The following DNAAF9 variants were observed in gnomAD, a reference collection of about 807,000 sequenced individuals.
The protein encoded by DNAAF9 is dynein axonemal assembly factor 9, also known as shulin.
In DNAAF9, 90 loss-of-function variants were observed where a neutral mutation model predicts 167.0. The ratio of observed to expected loss-of-function variants is 0.54; its 90% CI spans 0.45 to 0.64. The LOEUF (loss-of-function observed/expected upper bound fraction) is 0.64, where lower values mean the gene tolerates loss of function less well. Among genes scored for constraint, DNAAF9 ranks in the 30% least tolerant of loss-of-function variants. DNAAF9 has a pLI of 0.00. For missense variants in DNAAF9, 1,315 were observed against 1,442.2 expected, an observed-to-expected ratio of 0.91 and a Z score of 1.43; for synonymous variants, 491 against 508.8, an observed-to-expected ratio of 0.96 and a Z score of 0.47.
At chr20:3,397,801 A>C (rs2083931506) in intron 1 of DNAAF9, among the ~76,000 whole-genome samples, 1 of 152,136 alleles carries the variant, frequency 6.6e-6, no homozygotes, top group Admixed American at 6.6e-5. Context: ...TATTGGACAA[A>C]GCCTACATGT....
chr20:3,384,022 C>T (rs759159874), intron 1 of DNAAF9, among the ~76,000 whole-genome samples: 10 of 152,064 alleles, frequency 6.6e-5, no homozygotes, highest in Non-Finnish European at 1.5e-4. Context: ...GTCTTGAACT[C>T]GACCTCAAGT....
chr20:3,326,334 G>A, intron 12 of DNAAF9, 50 bp from the exon 13 acceptor site: 1 of 1,265,826 alleles, frequency 7.9e-7, no homozygotes, highest in Non-Finnish European at 1.1e-6. Flanking sequence ...TGAGGTTTTT[G>A]TCAAAAGATG....
chr20:3,339,856 C>A lies in DNAAF9; in HGVS notation c.981+648G>T, dbSNP rs150013053. ...AGTGAGCCAAGGCTGTGCCACTGCACTCTAGCCTGGGTGACAGAGTGAGAC... is the reference window on the plus strand; with the variant it reads ...AGTGAGCCAAGGCTGTGCCACTGCAATCTAGCCTGGGTGACAGAGTGAGAC... On this transcript the variant is annotated intron_variant, in intron 10 of 36. Coordinates refer to ENST00000252032, the MANE Select transcript of DNAAF9 (RefSeq NM_001009984.3). Among the ~76,000 whole-genome samples, 622 of 152,314 alleles carry A rather than the reference C, an allele frequency of 4.1e-3. 8 individuals carry two copies. Among genetic ancestry groups the A allele is most frequent in the African/African-American group, 0.014 (594 of 41,570 alleles).
chr20:3,294,518 C>T lies in DNAAF9; in HGVS notation c.2120+10G>A. 6.4e-7 allele frequency: 1 copy of T among 1,569,264 alleles called. No individual in the cohort carries two copies. The highest frequency in any genetic ancestry group is 8.8e-7 in the Non-Finnish European group (1 of 1,139,344). ...AATATTAAACATCTATAAACAGAAC[C>T]AGAGCTTACCAGTCCAGCTCTGGGA... On this transcript the variant is annotated intron_variant, in intron 24 of 36. Coordinates refer to ENST00000252032, the MANE Select transcript of DNAAF9 (RefSeq NM_001009984.3).
chr20:3,289,274 T>C (rs930281865), intron 26 of DNAAF9, among the ~76,000 whole-genome samples: 1 of 152,114 alleles, frequency 6.6e-6, no homozygotes, highest in Non-Finnish European at 1.5e-5. Context: ...ATTCTAAAAC[T>C]TAAAGTATAA....
At chr20:3,343,337 A>G (rs1317205910) in intron 9 of DNAAF9, among the ~76,000 whole-genome samples, 2 of 151,860 alleles carry the variant, frequency 1.3e-5, no homozygotes, top group African/African-American at 4.8e-5. Context: ...TAATTTTTGT[A>G]TTTTTAGTAG....
intron 1 of DNAAF9, among the ~76,000 whole-genome samples, chr20:3,395,594 T>C (rs549063767): frequency 5.3e-5 from 8 of 152,204 alleles, no homozygotes; most frequent in African/African-American, 1.9e-4. Context: ...CATTTTGTCT[T>C]TCAGAGGAAG....
At chr20:3,271,644 G>A (rs886787963) in intron 29 of DNAAF9, among the ~76,000 whole-genome samples, 20 of 146,434 alleles carry the variant, frequency 1.4e-4, no homozygotes, top group South Asian at 2.1e-4. Flanking sequence ...TTTTTGAGAC[G>A]GAGTTTCACT....
At chr20:3,363,548 T>C (rs989721256) in intron 6 of DNAAF9, among the ~76,000 whole-genome samples, 1 of 146,118 alleles carries the variant, frequency 6.8e-6, no homozygotes, top group Non-Finnish European at 1.5e-5. Context: ...TTTTTTTTTT[T>C]AGTTTTAAAA....
At chr20:3,388,568 TAAAC>T (rs1426956486) in intron 1 of DNAAF9, among the ~76,000 whole-genome samples, 5 of 152,196 alleles carry the variant, frequency 3.3e-5, no homozygotes, top group African/African-American at 1.2e-4. Flanking sequence ...CCCAAAGTGA[TAAAC>T]AAAATGTGAT....
chr20:3,365,114 G>A (rs138493072), intron 6 of DNAAF9, among the ~76,000 whole-genome samples: 1 of 151,896 alleles, frequency 6.6e-6, no homozygotes, highest in Non-Finnish European at 1.5e-5. Context: ...AGAACTATAG[G>A]TGCACCATGA....
Position 3,286,539 on chromosome 20 carries a change from C to T in DNAAF9, c.2486+1093G>A, listed in dbSNP as rs1274954168. 2.6e-5 allele frequency among the ~76,000 whole-genome samples: 4 copies of T among 152,226 alleles called. No individual in the cohort carries two copies. The East Asian group carries it at 7.7e-4, about 29-fold the overall frequency. On this transcript the variant is annotated intron_variant, in intron 27 of 36. Transcript: ENST00000252032. ...TTTGACCAGTAGAAACAATGAAAAACCAGAAGAAAACAAGTGGTTTCAAGC... is the reference window on the plus strand; with the variant it reads ...TTTGACCAGTAGAAACAATGAAAAATCAGAAGAAAACAAGTGGTTTCAAGC...
intron 1 of DNAAF9, among the ~76,000 whole-genome samples, chr20:3,385,885 T>C (rs1455662497): frequency 6.6e-6 from 1 of 152,236 alleles, no homozygotes; most frequent in Non-Finnish European, 1.5e-5. Context: ...ACCATGTTCA[T>C]GGATTAGGAA....
At chr20:3,323,274 C>CTTTT (rs71195835) in intron 14 of DNAAF9, among the ~76,000 whole-genome samples, 9 of 69,106 alleles carry the variant, frequency 1.3e-4, no homozygotes, top group East Asian at 9.7e-4. Context: ...GTGAAGTAAT[C>CTTTT]TTTTTTTTTT....
chr20:3,328,869 CTTTTTTTTT>C (rs572740669), intron 12 of DNAAF9, among the ~76,000 whole-genome samples: 1 of 136,828 alleles, frequency 7.3e-6, no homozygotes, highest in African/African-American at 2.7e-5. Context: ...CACAATTTTC[CTTTTTTTTT>C]TTTTTTTTTG....
intron 5 of DNAAF9, 74 bp downstream of exon 5, chr20:3,374,955 GA>G: frequency 1.3e-6 from 1 of 778,650 alleles, no homozygotes; most frequent in Non-Finnish European, 2.2e-6. Context: ...TGCCCCCAAT[GA>G]AAGGAAAAGT....
chr20:3,391,643 C>T lies in DNAAF9; in HGVS notation c.84-9137G>A, dbSNP rs367733365. On this transcript the variant is annotated intron_variant, in intron 1 of 36. Transcript: ENST00000252032. ...TTGCCCAGGCTGGAGTGCAACAGCG[C>T]GATCTTGGCTCACTGCAACCTCTGC... Among the ~76,000 whole-genome samples the T allele has an allele frequency of 1.6e-4, 24 of 148,206 alleles. 1 individual carries two copies. Among genetic ancestry groups the T allele is most frequent in the Non-Finnish European group, 3.3e-4 (22 of 67,542 alleles).
chr20:3,304,959 G>A (rs1167428928), intron 20 of DNAAF9, among the ~76,000 whole-genome samples: 2 of 152,216 alleles, frequency 1.3e-5, no homozygotes, highest in Non-Finnish European at 2.9e-5. Context: ...CTTAGGGCCC[G>A]AGAAGGAGCA....
rs1171878556 is a variant in DNAAF9 at position 3,294,635 on chromosome 20, A to T, written c.2019-6T>A. 4 of 1,584,514 alleles carry T rather than the reference A, an allele frequency of 2.5e-6. No homozygotes were observed. The East Asian group carries it at 8.9e-5, about 35-fold the overall frequency. The stretch of plus-strand genomic sequence containing the variant: ...GCTTCTGTGCACTGGAGTGCCTGGA[A>T]TAACAAAAGCTCACAGATTAGAAGT... On this transcript the variant is annotated splice_region_variant and splice_polypyrimidine_tract_variant and intron_variant, in intron 23 of 36. Transcript: ENST00000252032.
Sources: gnomAD v4.1 joint callset for allele counts (sites outside exome capture counted in the v4.1 genomes callset) on GRCh38, gnomAD v4.1.1 for gene constraint, MANE v1.5 for transcripts, NCBI Gene and HGNC (gene_info 2026-07-23, HGNC 2026-07-21) for gene names.